Variants in HPCAL1 observed in about 807,000 individuals in gnomAD.
HPCAL1 encodes the protein hippocalcin-like protein 1.
In HPCAL1, 8 loss-of-function variants were observed where a neutral mutation model predicts 17.1. The observed-to-expected ratio is 0.47, with a 90% CI of 0.27 to 0.84. HPCAL1 has a LOEUF of 0.84. Ranked by LOEUF, HPCAL1 falls within the 40% of genes least tolerant of loss-of-function variation. The pLI, the probability that HPCAL1 is intolerant of heterozygous loss-of-function variation, is 0.13. For synonymous variants in HPCAL1, 112 were observed against 111.4 expected, an observed-to-expected ratio of 1.01 and a Z score of -0.03; for missense variants, 165 against 271.1, an observed-to-expected ratio of 0.61 and a Z score of 2.75.
At chr2:10,378,390 C>A (rs1188040659) in intron 1 of HPCAL1, among the ~76,000 whole-genome samples, 1 of 152,026 alleles carries the variant, frequency 6.6e-6, no homozygotes, top group Non-Finnish European at 1.5e-5. Flanking sequence ...CAGCTCTCAC[C>A]TGCTGCCATA....
At chr2:10,320,824 A>G (rs1663627894) in intron 1 of HPCAL1, among the ~76,000 whole-genome samples, 1 of 152,226 alleles carries the variant, frequency 6.6e-6, no homozygotes, top group Admixed American at 6.5e-5. Flanking sequence ...ATCTAGGCAG[A>G]AGACCTGCCC....
chr2:10,305,296 T>C (rs1422558501), intron 1 of HPCAL1, among the ~76,000 whole-genome samples: 1 of 152,160 alleles, frequency 6.6e-6, no homozygotes, highest in Admixed American at 6.5e-5. Context: ...TTGTGTTTTG[T>C]TTTGTTTTTG....
chr2:10,426,311 G>T (rs1671402750), intron 4 of HPCAL1: 1 of 197,128 alleles, frequency 5.1e-6, no homozygotes, highest in Non-Finnish European at 1.0e-5. Context: ...TGCCAGGGAG[G>T]ATCCGGACCG....
chr2:10,336,231 C>T (rs1664716349), intron 1 of HPCAL1, among the ~76,000 whole-genome samples: 1 of 152,090 alleles, frequency 6.6e-6, no homozygotes, highest in African/African-American at 2.4e-5. Flanking sequence ...GTATCCTCTG[C>T]TGTAAATTAA....
chr2:10,311,261 G>T (rs948960036), intron 1 of HPCAL1, among the ~76,000 whole-genome samples: 8 of 152,280 alleles, frequency 5.3e-5, no homozygotes, highest in Middle Eastern at 3.4e-3. Context: ...TGGATGCCTG[G>T]CAGGGGCTTA....
Position 10,307,166 on chromosome 2 carries a change from C to G in HPCAL1, c.-111+3989C>G, listed in dbSNP as rs570196774. 3.9e-5 allele frequency among the ~76,000 whole-genome samples: 6 copies of G among 152,284 alleles called. No individual in the cohort carries two copies. The East Asian group carries it at 1.2e-3, about 29-fold the overall frequency. Reference sequence around the variant, plus strand: ...CAAGGGATGGGTCTCTGACCCTTGGCTAAGAAAACTCAGGATTGTTAAATA... The same window carrying G: ...CAAGGGATGGGTCTCTGACCCTTGGGTAAGAAAACTCAGGATTGTTAAATA... On this transcript the variant is annotated intron_variant, in intron 1 of 4. Transcript: ENST00000307845.
Position 10,394,136 on chromosome 2 carries a change from A to C in HPCAL1, c.-110-2699A>C, listed in dbSNP as rs71439006. On this transcript the variant is annotated intron_variant, in intron 1 of 4. Transcript: ENST00000307845. This position sits in a 1 kb window ranked among gnomAD's most constrained non-coding sequence, Gnocchi z 5.0. The stretch of plus-strand genomic sequence containing the variant: ...TCTCCTGAAAAACAAACAAACAAAA[A>C]AAAAACCTTGTAACTAACCAGAGCA... Among the ~76,000 whole-genome samples, 53,358 of 151,688 alleles carry C rather than the reference A, an allele frequency of 0.35. 10,027 individuals carry two copies. The highest frequency in any genetic ancestry group is 0.49 in the South Asian group (2,352 of 4,794).
At chr2:10,360,565 C>A (rs1294219749) in intron 1 of HPCAL1, among the ~76,000 whole-genome samples, 2 of 152,174 alleles carry the variant, frequency 1.3e-5, no homozygotes, top group Non-Finnish European at 2.9e-5. Flanking sequence ...GCACCCGCCA[C>A]CACACCTGGC....
At chr2:10,315,197 G>A (rs1663237397) in intron 1 of HPCAL1, among the ~76,000 whole-genome samples, 1 of 151,978 alleles carries the variant, frequency 6.6e-6, no homozygotes, top group Non-Finnish European at 1.5e-5. Flanking sequence ...GGAGGCTGAG[G>A]CAGGAGAATA....
chr2:10,402,575 C>T (rs758054514), intron 2 of HPCAL1, among the ~76,000 whole-genome samples: 30 of 152,130 alleles, frequency 2.0e-4, no homozygotes, highest in Non-Finnish European at 8.8e-5. Flanking sequence ...CTGGGGCCAC[C>T]GAGGGCGGCT....
Position 10,399,573 on chromosome 2 carries a change from A to T in HPCAL1, c.-25+2653A>T, listed in dbSNP as rs867604509. Among the ~76,000 whole-genome samples, 5 of 35,924 alleles carry T rather than the reference A, an allele frequency of 1.4e-4. 1 individual carries two copies. The highest frequency in any genetic ancestry group is 2.6e-3 in the South Asian group (2 of 766). 23.6% of individuals were successfully genotyped at this position (35,924 alleles called of 152,430 possible). On this transcript the variant is annotated intron_variant, in intron 2 of 4. Transcript: ENST00000307845. ...CGCCACCACTACCGCCACCGCCACC[A>T]CCACCGCCACCGCCACCGCCACCAC... is the stretch of plus-strand genomic sequence containing the variant.
rs936206887 is a variant in HPCAL1, at chr2:10,427,298, A to G, written c.*477A>G. ...TTCTCCACCACAGCCGCTTGCACGT[A>G]TAGATACTGTGGTCCCCTTTCTTTT... On this transcript the variant is annotated 3_prime_UTR_variant, in exon 5 of 5. Transcript: ENST00000307845. 11 of 165,152 alleles carry G rather than the reference A, an allele frequency of 6.7e-5. No individual in the cohort carries two copies. Among genetic ancestry groups the G allele is most frequent in the Admixed American group, 3.0e-4 (5 of 16,478 alleles). The allele number at this position is 165,152 out of a possible 1,614,324, so 10.2% of individuals were successfully genotyped here. A position where few individuals can be genotyped will look rare whatever the true frequency, so the allele number is the denominator to read the frequency against.
At chr2:10,396,429 A>G (rs1669029857) in intron 1 of HPCAL1, among the ~76,000 whole-genome samples, 1 of 152,184 alleles carries the variant, frequency 6.6e-6, no homozygotes, top group African/African-American at 2.4e-5. Context: ...CAGAGTGTAG[A>G]GTGCTGGGTG....
intron 1 of HPCAL1, among the ~76,000 whole-genome samples, chr2:10,341,612 T>C (rs1450574316): frequency 6.6e-6 from 1 of 151,878 alleles, no homozygotes; most frequent in Non-Finnish European, 1.5e-5. Context: ...AGAAAGCTGC[T>C]GAAGGACTTC....
At chr2:10,413,751 A>G (rs3755262) in intron 2 of HPCAL1, among the ~76,000 whole-genome samples, 34,195 of 152,202 alleles carry the variant, frequency 0.22, 4,019 homozygotes, top group African/African-American at 0.28. Flanking sequence ...TTCCAATGGG[A>G]TCGGTAAGAA....
At chr2:10,407,890 T>C (rs2125604967) in intron 2 of HPCAL1, among the ~76,000 whole-genome samples, 1 of 152,282 alleles carries the variant, frequency 6.6e-6, no homozygotes, top group South Asian at 2.1e-4. Flanking sequence ...CAAAGCTGAG[T>C]TCATACTAGA....
intron 1 of HPCAL1, among the ~76,000 whole-genome samples, chr2:10,368,059 T>C (rs1666955047): frequency 6.6e-6 from 1 of 151,630 alleles, no homozygotes; most frequent in African/African-American, 2.4e-5. Context: ...AAGCTTTCCA[T>C]GTGTGTGTCC....
chr2:10,423,931 A>G (rs1458332435), intron 4 of HPCAL1: 1 of 153,698 alleles, frequency 6.5e-6, no homozygotes, highest in Non-Finnish European at 1.4e-5. Context: ...TCTCTGCTAA[A>G]AATACAAAAA....
In HPCAL1 at chr2:10,384,488, G is replaced by A. The variant is rs1407102831; in HGVS notation, c.-110-12347G>A. On this transcript the variant is annotated intron_variant, in intron 1 of 4. Transcript: ENST00000307845. This position sits in a 1 kb window ranked among gnomAD's most constrained non-coding sequence, Gnocchi z 4.4. ...AACTGCCATGCTTGCTTGGTGCACGGTGCTGTGCTGGGCACTGGGGCAAGG... is the reference window on the plus strand; with the variant it reads ...AACTGCCATGCTTGCTTGGTGCACGATGCTGTGCTGGGCACTGGGGCAAGG... 7.2e-5 allele frequency among the ~76,000 whole-genome samples: 11 copies of A among 152,116 alleles called. No homozygotes were observed. Among genetic ancestry groups the A allele is most frequent in the Admixed American group, 7.2e-4 (11 of 15,280 alleles).
Sources: gnomAD v4.1 joint callset for allele counts (sites outside exome capture counted in the v4.1 genomes callset) on GRCh38, gnomAD v4.1.1 for gene constraint, Gnocchi (gnomAD v3.1) non-coding constraint, MANE v1.5 for transcripts, NCBI Gene and HGNC (gene_info 2026-07-23, HGNC 2026-07-21) for gene names.